The following DLG2 variants were observed in gnomAD, a reference collection of about 807,000 sequenced individuals.
The protein encoded by DLG2 is discs large MAGUK scaffold protein 2.
In DLG2, 45 loss-of-function variants were observed where a neutral mutation model predicts 132.5. The ratio of observed to expected loss-of-function variants is 0.34; its 90% CI spans 0.27 to 0.44. The LOEUF (loss-of-function observed/expected upper bound fraction) is 0.44. Ranked by LOEUF, DLG2 falls within the 20% of genes least tolerant of loss-of-function variation. The probability of loss-of-function intolerance (pLI) is 1.00; values close to 1 mark genes in which losing one functional copy is unlikely to be tolerated. For missense variants in DLG2, 1,045 were observed against 1,196.9 expected, an observed-to-expected ratio of 0.87 and a Z score of 1.87; for synonymous variants, 424 against 419.6, an observed-to-expected ratio of 1.01 and a Z score of -0.13.
chr11:85,189,090 T>TA (rs2080335094), intron 4 of DLG2, among the ~76,000 whole-genome samples: 1 of 152,072 alleles, frequency 6.6e-6, no homozygotes, highest in Middle Eastern at 3.4e-3. Flanking sequence ...GGCAGCAAGA[T>TA]AAAAAATATG....
At chr11:84,273,430 A>C (rs1368810725) in intron 7 of DLG2, 2 of 1,089,258 alleles carry the variant, frequency 1.8e-6, no homozygotes, top group East Asian at 3.0e-5. Flanking sequence ...CTTTTGGGGG[A>C]TAACTGGGCA....
chr11:83,986,119 T>C (rs2093279013), intron 11 of DLG2, among the ~76,000 whole-genome samples: 1 of 151,966 alleles, frequency 6.6e-6, no homozygotes, highest in Admixed American at 6.6e-5. Context: ...GCAGGTTAGT[T>C]ACATATGTAT....
At chr11:85,075,280 T>C (rs1057133188) in intron 6 of DLG2, among the ~76,000 whole-genome samples, 1 of 151,918 alleles carries the variant, frequency 6.6e-6, no homozygotes, top group Non-Finnish European at 1.5e-5. Flanking sequence ...TTTAAGTATG[T>C]ATACTCAGTG....
intron 2 of DLG2, among the ~76,000 whole-genome samples, chr11:85,611,699 T>G (rs1352975313): frequency 6.6e-6 from 1 of 152,258 alleles, no homozygotes; most frequent in Non-Finnish European, 1.5e-5. Flanking sequence ...ATAGCAGATA[T>G]GCTTATCTAA....
chr11:83,994,724 T>C (rs2093930650), intron 11 of DLG2, among the ~76,000 whole-genome samples: 1 of 152,142 alleles, frequency 6.6e-6, no homozygotes, highest in South Asian at 2.1e-4. Flanking sequence ...AATAACAAAG[T>C]ACTAAAAAGT....
intron 11 of DLG2, among the ~76,000 whole-genome samples, chr11:84,055,935 T>C (rs1379053280): frequency 2.6e-5 from 4 of 152,128 alleles, no homozygotes; most frequent in Non-Finnish European, 4.4e-5. Context: ...TACATTAATG[T>C]ATATCTAGAT....
chr11:84,810,945 G>A (rs1461480655), intron 6 of DLG2, among the ~76,000 whole-genome samples: 1 of 152,086 alleles, frequency 6.6e-6, no homozygotes. Flanking sequence ...GTAGAGAAGG[G>A]GGTGTGGCAA....
intron 14 of DLG2, among the ~76,000 whole-genome samples, chr11:83,931,081 T>C (rs924334404): frequency 2.0e-5 from 3 of 152,196 alleles, no homozygotes; most frequent in Non-Finnish European, 4.4e-5. Context: ...GATATACTCC[T>C]ACAAAATTTA....
At chr11:84,551,010 G>C (rs1212044239) in intron 6 of DLG2, among the ~76,000 whole-genome samples, 2 of 152,104 alleles carry the variant, frequency 1.3e-5, no homozygotes, top group Non-Finnish European at 2.9e-5. Context: ...TGTCTCTGGT[G>C]GTGGTGCAAA....
rs1049166008 is a variant in DLG2 at position 84,542,948 on chromosome 11, T to C, written c.358-8217A>G. On this transcript the variant is annotated intron_variant, in intron 6 of 27. Transcript: ENST00000376104. ...CTGCAGTCTGTACCCAGCAAATCCT[T>C]TTCTCCAGCTTCTTCCTTTTTCCAT... Among the ~76,000 whole-genome samples, 164 of 146,526 alleles carry C rather than the reference T, an allele frequency of 1.1e-3. 10 individuals carry two copies.
rs35849932 is a variant in DLG2, at chr11:85,124,834, AT to A, written c.283-13100del. On this transcript the variant is annotated intron_variant, in intron 5 of 27. Coordinates refer to ENST00000376104, the MANE Select transcript of DLG2 (RefSeq NM_001142699.3). ...TTTTTAAAGTTTTGAGCACAGTAAAATTTTTTTTTTTTTTGAGACGGAGTCT... is the reference window on the plus strand; with the variant it reads ...TTTTTAAAGTTTTGAGCACAGTAAAATTTTTTTTTTTTTGAGACGGAGTCT... Among the ~76,000 whole-genome samples, 194 of 148,360 alleles carry A rather than the reference AT, an allele frequency of 1.3e-3. 2 individuals are homozygous for A. The highest frequency in any genetic ancestry group is 2.4e-4 in the Non-Finnish European group (16 of 67,096).
chr11:85,144,002 T>C (rs539445478), intron 5 of DLG2, among the ~76,000 whole-genome samples: 31 of 152,090 alleles, frequency 2.0e-4, no homozygotes, highest in African/African-American at 7.5e-4. Flanking sequence ...CTGGATGATC[T>C]GTTCAATGCT....
intron 3 of DLG2, among the ~76,000 whole-genome samples, chr11:85,375,296 T>C (rs1340086588): frequency 6.6e-6 from 1 of 152,192 alleles, no homozygotes; most frequent in Admixed American, 6.5e-5. Context: ...TGAAAACTTT[T>C]GAAAGTTCAA....
chr11:83,525,405 T>C (rs2095582517), intron 21 of DLG2, among the ~76,000 whole-genome samples: 1 of 152,192 alleles, frequency 6.6e-6, no homozygotes, highest in East Asian at 1.9e-4. Context: ...TGTCTCCACG[T>C]TGGGCTATTG....
intron 7 of DLG2, among the ~76,000 whole-genome samples, chr11:84,518,316 G>C (rs2099279845): frequency 6.6e-6 from 1 of 151,908 alleles, no homozygotes; most frequent in Admixed American, 6.6e-5. Flanking sequence ...ACAGAGCTGG[G>C]ATTGACAGAG....
At chr11:85,190,987 C>T (rs532809393) in intron 4 of DLG2, among the ~76,000 whole-genome samples, 15 of 152,240 alleles carry the variant, frequency 9.9e-5, no homozygotes, top group African/African-American at 3.6e-4. Context: ...CCATTCAACC[C>T]AGCAATCTCG....
At position 83,682,986 on chromosome 11, in the gene DLG2, T is replaced by C. The variant is rs150080498; in HGVS notation, c.1826-49661A>G. ...TCTTCTGATGGCAAAGTACAGTGCC[T>C]TTCTATTCTACCATGCTGCCTCTGG... On this transcript the variant is annotated intron_variant, in intron 18 of 27. Coordinates refer to ENST00000376104, the MANE Select transcript of DLG2 (RefSeq NM_001142699.3). Among the ~76,000 whole-genome samples, 1,412 of 152,232 alleles carry C rather than the reference T, an allele frequency of 9.3e-3. 30 individuals are homozygous for C. Among genetic ancestry groups the C allele is most frequent in the African/African-American group, 0.032 (1,346 of 41,544 alleles).
chr11:84,807,088 C>T (rs2076079605), intron 6 of DLG2, among the ~76,000 whole-genome samples: 1 of 151,874 alleles, frequency 6.6e-6, no homozygotes. Flanking sequence ...TTCAAGTAAC[C>T]CACTGGAAGG....
chr11:83,795,435 ATATC>A (rs1284802925), intron 17 of DLG2, among the ~76,000 whole-genome samples: 2 of 108,180 alleles, frequency 1.8e-5, no homozygotes, highest in African/African-American at 8.4e-5. Flanking sequence ...ATCTATATCT[ATATC>A]TATATATCTA....
Sources: allele counts gnomAD v4.1 joint callset (sites outside exome capture counted in the v4.1 genomes callset), GRCh38; gene constraint gnomAD v4.1.1; transcripts MANE v1.5; gene names NCBI Gene and HGNC (gene_info 2026-07-23, HGNC 2026-07-21).